The following ARHGEF37 variants were observed in gnomAD, a reference collection of about 807,000 sequenced individuals.
ARHGEF37 encodes the protein Rho guanine nucleotide exchange factor (GEF) 37.
ARHGEF37 carries 55 observed loss-of-function variants against 71.1 expected under a neutral mutation model. That is an observed-to-expected ratio of 0.77 (90% CI 0.62 to 0.97). The LOEUF is 0.97. Ranked by LOEUF, ARHGEF37 falls within the 50% of genes least tolerant of loss-of-function variation. The pLI is 0.00. For synonymous variants in ARHGEF37, 327 were observed against 350.6 expected (o/e 0.93, Z 0.75); for missense variants, 765 against 836.8 (o/e 0.91, Z 1.06).
chr5:149,600,643 A>AT (rs1259546091), intron 2 of ARHGEF37, among the ~76,000 whole-genome samples: 3 of 115,464 alleles, frequency 2.6e-5, no homozygotes, highest in Non-Finnish European at 3.6e-5. Context: ...GAAAATACCT[A>AT]ATTTTTTTTT....
chr5:149,634,551 G>C lies in ARHGEF37; in HGVS notation c.*2360G>C, dbSNP rs1336361847. The C allele has an allele frequency of 6.6e-6, 1 of 152,620 alleles. No homozygotes were observed. Among genetic ancestry groups the C allele is most frequent in the Non-Finnish European group, 1.5e-5 (1 of 68,032 alleles). 9.5% of individuals were successfully genotyped at this position (152,620 alleles called of 1,614,324 possible). A position where few individuals can be genotyped will look rare whatever the true frequency, so the allele number is the denominator to read the frequency against. ...GGTTATGGTTTCTCATAGACCAGGG[G>C]ATAAGATTAAAAGTCACTGAAGAGT... On this transcript the variant is annotated 3_prime_UTR_variant, in exon 13 of 13. Transcript: ENST00000333677.
intron 1 of ARHGEF37, among the ~76,000 whole-genome samples, chr5:149,584,537 A>G (rs1034123117): frequency 1.3e-5 from 2 of 152,136 alleles, no homozygotes; most frequent in African/African-American, 4.8e-5. Flanking sequence ...TTTGTTTCAC[A>G]GTAGTTTCTA....
chr5:149,603,437 T>C (rs1004291067), intron 3 of ARHGEF37, among the ~76,000 whole-genome samples: 4 of 152,090 alleles, frequency 2.6e-5, no homozygotes, highest in African/African-American at 7.2e-5. Flanking sequence ...AGAGCCAGGA[T>C]TTGAATGCAG....
rs866899335 is a variant in ARHGEF37, at chr5:149,610,438, G to A, written c.458+743G>A. Among the ~76,000 whole-genome samples the A allele has an allele frequency of 2.6e-5, 4 of 152,070 alleles. No homozygotes were observed. The South Asian group carries it at 8.3e-4, about 32-fold the overall frequency. On this transcript the variant is annotated intron_variant, in intron 4 of 12. Transcript: ENST00000333677. ...GTATTCGAATTTAAATTTTCGAATG[G>A]GTAACGTGATTATAAGATTAAAAAA... is the stretch of plus-strand genomic sequence containing the variant.
intron 1 of ARHGEF37, among the ~76,000 whole-genome samples, chr5:149,562,211 A>G (rs1324322888): frequency 6.6e-6 from 1 of 152,220 alleles, no homozygotes; most frequent in Non-Finnish European, 1.5e-5. Flanking sequence ...GTAGGGAAAA[A>G]AAGAACTTTG....
chr5:149,595,314 C>G (rs1281540254), intron 1 of ARHGEF37, among the ~76,000 whole-genome samples: 1 of 151,560 alleles, frequency 6.6e-6, no homozygotes, highest in African/African-American at 2.4e-5. Context: ...TAGCTGGGAC[C>G]ACAGGCATGT....
chr5:149,572,198 G>C (rs976327679), intron 1 of ARHGEF37, among the ~76,000 whole-genome samples: 9 of 152,130 alleles, frequency 5.9e-5, no homozygotes, highest in Admixed American at 3.3e-4. Context: ...TTCAATGGAG[G>C]AAAAGAAAGT....
At chr5:149,562,647 C>T (rs962940610) in intron 1 of ARHGEF37, among the ~76,000 whole-genome samples, 19 of 152,064 alleles carry the variant, frequency 1.2e-4, no homozygotes, top group Admixed American at 5.2e-4. Flanking sequence ...AGGGTTTCAC[C>T]GTGTTAGCCA....
chr5:149,580,290 A>T (rs550378312), upstream of ARHGEF37, among the ~76,000 whole-genome samples: 1 of 150,976 alleles, frequency 6.6e-6, no homozygotes, highest in East Asian at 2.1e-4. Flanking sequence ...CGATCTCTTG[A>T]CCTCGTGATC....
At chr5:149,553,577 G>A (rs907026091) in intron 1 of ARHGEF37, among the ~76,000 whole-genome samples, 22 of 152,068 alleles carry the variant, frequency 1.4e-4, no homozygotes, top group Admixed American at 1.4e-3. Flanking sequence ...ACATTTAGAC[G>A]GATATTTTGG....
chr5:149,592,630 C>T (rs1763443288), intron 1 of ARHGEF37, among the ~76,000 whole-genome samples: 1 of 152,192 alleles, frequency 6.6e-6, no homozygotes, highest in Admixed American at 6.5e-5. Context: ...TACATAAGTT[C>T]TCTTACTGCG....
intron 1 of ARHGEF37, among the ~76,000 whole-genome samples, chr5:149,572,663 T>C (rs1046419430): frequency 1.3e-5 from 2 of 152,204 alleles, no homozygotes; most frequent in Non-Finnish European, 2.9e-5. Context: ...GATTAACCTT[T>C]ACATCAGTAG....
At chr5:149,587,894 CTTTTTT>C (rs3994917) in intron 1 of ARHGEF37, among the ~76,000 whole-genome samples, 1 of 129,162 alleles carries the variant, frequency 7.7e-6, no homozygotes, top group Non-Finnish European at 1.6e-5. Context: ...TCCCTTTAGT[CTTTTTT>C]TTTTTTTTTT....
In ARHGEF37 at chr5:149,632,102, G is replaced by A. The variant is rs905023069; in HGVS notation, c.1939G>A (p.Glu647Lys). Residue 647 changes from glutamate to lysine, a missense_variant, in exon 13 of 13, where the codon GAA (glutamate) becomes AAA (lysine). Around this residue, in one of 5 missense-constraint regions of ARHGEF37, gnomAD observed 390 missense variants for 407.4 expected, o/e 0.96. Transcript: ENST00000333677. ...GGGGAACCCTGAGTGGAGCCTGGTG[G>A]AAGTGAATGGACAGAGGGGTTATGT... Reference protein sequence around the residue: ...KKGNPEWSLVEVNGQRGYVPS... With the variant: ...KKGNPEWSLVKVNGQRGYVPS... The A allele has an allele frequency of 3.7e-6, 6 of 1,614,162 alleles. No individual in the cohort carries two copies. Among genetic ancestry groups the A allele is most frequent in the African/African-American group, 2.7e-5 (2 of 74,956 alleles).
chr5:149,556,605 T>C (rs1762760904), intron 1 of ARHGEF37, among the ~76,000 whole-genome samples: 1 of 152,168 alleles, frequency 6.6e-6, no homozygotes, highest in Admixed American at 6.5e-5. Context: ...CAGGCTGGTT[T>C]CAAACCTCTG....
At chr5:149,602,440 G>C (rs1763783568) in intron 3 of ARHGEF37, among the ~76,000 whole-genome samples, 1 of 151,918 alleles carries the variant, frequency 6.6e-6, no homozygotes, top group Non-Finnish European at 1.5e-5. Flanking sequence ...GAGATCAGTT[G>C]GGGGCTTTAC....
chr5:149,584,072 C>A (rs1264325150), intron 1 of ARHGEF37, among the ~76,000 whole-genome samples: 1 of 152,062 alleles, frequency 6.6e-6, no homozygotes, highest in Non-Finnish European at 1.5e-5. Context: ...TTTTATAATT[C>A]TAATAATTGT....
chr5:149,609,416 C>A, intron 3 of ARHGEF37, 132 bp from the exon 4 acceptor site: 1 of 958,474 alleles, frequency 1.0e-6, no homozygotes, highest in Non-Finnish European at 1.6e-6. Flanking sequence ...GGTCATTTGC[C>A]CATGGTGACA....
chr5:149,554,746 A>G (rs972007141), intron 1 of ARHGEF37, among the ~76,000 whole-genome samples: 26 of 151,926 alleles, frequency 1.7e-4, no homozygotes, highest in African/African-American at 6.0e-4. Context: ...ATTTTAGCCT[A>G]AAAGATTGAA....
Sources: allele counts gnomAD v4.1 joint callset (sites outside exome capture counted in the v4.1 genomes callset), GRCh38; gene constraint gnomAD v4.1.1; regional missense constraint gnomAD v4.1.1; transcripts MANE v1.5; gene names NCBI Gene and HGNC (gene_info 2026-07-23, HGNC 2026-07-21).